Variants in RBFOX1 observed in about 807,000 individuals in gnomAD.
The protein encoded by RBFOX1 is RNA binding protein fox-1 homolog 1.
RBFOX1 carries 8 observed loss-of-function variants against 57.7 expected under a neutral mutation model. The ratio of observed to expected loss-of-function variants is 0.14; its 90% confidence interval spans 0.08 to 0.25. The LOEUF (loss-of-function observed/expected upper bound fraction) is 0.25, where lower values mean the gene tolerates loss of function less well. Ranked by LOEUF, RBFOX1 falls within the 10% of genes least tolerant of loss-of-function variation. The pLI is 1.00. For missense variants in RBFOX1, 611 were observed against 548.5 expected, an observed-to-expected ratio of 1.11 and a Z score of -1.14; for synonymous variants, 326 against 222.4, an observed-to-expected ratio of 1.47 and a Z score of -4.15.
chr16:6,018,269 C>G (rs942793133), upstream of RBFOX1, among the ~76,000 whole-genome samples: 1 of 151,776 alleles, frequency 6.6e-6, no homozygotes, highest in Non-Finnish European at 1.5e-5. Context: ...CACTCCAGTC[C>G]AGAGTGGGAC....
At chr16:7,338,636 C>T (rs9931064) in intron 4 of RBFOX1, among the ~76,000 whole-genome samples, 47 of 151,984 alleles carry the variant, frequency 3.1e-4, no homozygotes, top group Non-Finnish European at 5.7e-4. Flanking sequence ...CAGACACACA[C>T]ACTGTATTTT....
intron 4 of RBFOX1, among the ~76,000 whole-genome samples, chr16:7,172,444 C>T (rs1215153992): frequency 5.9e-5 from 9 of 152,224 alleles, no homozygotes; most frequent in African/African-American, 1.4e-4. Flanking sequence ...ATAAAATATA[C>T]ATATTTCTCT....
chr16:6,870,559 C>T (rs2060689535), intron 3 of RBFOX1, among the ~76,000 whole-genome samples: 1 of 152,108 alleles, frequency 6.6e-6, no homozygotes, highest in South Asian at 2.1e-4. Flanking sequence ...ATAACTTTTG[C>T]AGGCTGGTTT....
At chr16:7,438,997 G>A (rs956848883) in intron 4 of RBFOX1, among the ~76,000 whole-genome samples, 6 of 152,184 alleles carry the variant, frequency 3.9e-5, no homozygotes, top group African/African-American at 1.4e-4. Flanking sequence ...TTTAATGAGG[G>A]CAGGTCGCGC....
intron 2 of RBFOX1, among the ~76,000 whole-genome samples, chr16:6,551,055 C>T (rs1461751044): frequency 6.6e-6 from 1 of 152,100 alleles, no homozygotes; most frequent in Admixed American, 6.6e-5. Flanking sequence ...CTTGGGGGCC[C>T]CAGGAATTTT....
intron 3 of RBFOX1, among the ~76,000 whole-genome samples, chr16:5,642,736 G>A (rs929942180): frequency 1.3e-5 from 2 of 152,190 alleles, no homozygotes; most frequent in African/African-American, 4.8e-5. Context: ...GCTCCCGGGA[G>A]GGGCCTCTCT....
At chr16:5,977,502 C>A (rs1380502701) in intron 4 of RBFOX1, among the ~76,000 whole-genome samples, 1 of 152,144 alleles carries the variant, frequency 6.6e-6, no homozygotes, top group Non-Finnish European at 1.5e-5. Flanking sequence ...CTTGCCAAGT[C>A]GCTCTGGAGA....
chr16:7,339,953 G>T (rs2096862213), intron 4 of RBFOX1, among the ~76,000 whole-genome samples: 1 of 152,166 alleles, frequency 6.6e-6, no homozygotes, highest in Non-Finnish European at 1.5e-5. Context: ...TGGTGGAAAA[G>T]ATGGTTCTTG....
intron 3 of RBFOX1, among the ~76,000 whole-genome samples, chr16:6,954,977 T>C (rs1453538381): frequency 1.3e-5 from 2 of 151,784 alleles, no homozygotes; most frequent in Non-Finnish European, 2.9e-5. Flanking sequence ...GTGCCCATAA[T>C]CTGAGTACTT....
intron 2 of RBFOX1, among the ~76,000 whole-genome samples, chr16:6,370,774 A>C (rs980840787): frequency 6.6e-6 from 1 of 152,238 alleles, no homozygotes; most frequent in Non-Finnish European, 1.5e-5. Flanking sequence ...GTTGCACAAG[A>C]ATGCAAATGT....
At chr16:5,760,441 C>T (rs2053554164) in intron 3 of RBFOX1, among the ~76,000 whole-genome samples, 1 of 152,088 alleles carries the variant, frequency 6.6e-6, no homozygotes, top group Admixed American at 6.6e-5. Flanking sequence ...AGTAGGTATT[C>T]AATTACATGT....
chr16:6,675,691 G>A (rs970438719), intron 3 of RBFOX1, among the ~76,000 whole-genome samples: 10 of 152,234 alleles, frequency 6.6e-5, no homozygotes, highest in African/African-American at 1.7e-4. Flanking sequence ...GTTACATGGC[G>A]GCAGGCAAGA....
intron 3 of RBFOX1, among the ~76,000 whole-genome samples, chr16:6,679,703 A>G (rs1017597603): frequency 1.3e-5 from 2 of 152,120 alleles, no homozygotes; most frequent in South Asian, 4.1e-4. Context: ...ACACCATACA[A>G]GAGTACTTGA....
At chr16:6,334,507 C>A (rs377139407) in intron 2 of RBFOX1, among the ~76,000 whole-genome samples, 160 of 115,834 alleles carry the variant, frequency 1.4e-3, no homozygotes, top group South Asian at 2.9e-3. Context: ...GATAGCATCT[C>A]AAAAAAAAAA....
At chr16:6,069,903 C>T (rs1037711526) in intron 1 of RBFOX1, among the ~76,000 whole-genome samples, 1 of 152,106 alleles carries the variant, frequency 6.6e-6, no homozygotes, top group Non-Finnish European at 1.5e-5. Flanking sequence ...AGGAGAATCA[C>T]TTGAACCCAG....
intron 3 of RBFOX1, among the ~76,000 whole-genome samples, chr16:5,605,348 G>C (rs1156940776): frequency 1.3e-5 from 2 of 152,224 alleles, no homozygotes; most frequent in African/African-American, 4.8e-5. Flanking sequence ...TGTATGGAGA[G>C]TAGGTAACAC....
intron 2 of RBFOX1, among the ~76,000 whole-genome samples, chr16:6,457,509 G>A (rs1011482841): frequency 1.4e-5 from 2 of 146,706 alleles, no homozygotes; most frequent in South Asian, 4.3e-4. Context: ...GTGAATTACT[G>A]ACTACCGTTC....
chr16:6,993,682 G>C (rs1320297903), intron 3 of RBFOX1, among the ~76,000 whole-genome samples: 6 of 152,130 alleles, frequency 3.9e-5, no homozygotes, highest in Non-Finnish European at 8.8e-5. Context: ...TGTGCATTAG[G>C]TAATATATTT....
chr16:6,075,781 C>T (rs796475811), intron 1 of RBFOX1, among the ~76,000 whole-genome samples: 2 of 152,186 alleles, frequency 1.3e-5, no homozygotes, highest in African/African-American at 4.8e-5. Context: ...GTCTCCATGT[C>T]GTGGACAAAA....
Sources: gnomAD v4.1 joint callset for allele counts (sites outside exome capture counted in the v4.1 genomes callset) on GRCh38, gnomAD v4.1.1 for gene constraint, MANE v1.5 for transcripts, NCBI Gene and HGNC (gene_info 2026-07-23, HGNC 2026-07-21) for gene names.